The following MEI4 variants were observed in gnomAD, a reference collection of about 807,000 sequenced individuals.
The protein encoded by MEI4 is meiosis-specific protein MEI4.
In MEI4, 27 loss-of-function variants were observed where a neutral mutation model predicts 31.4. The ratio of observed to expected loss-of-function variants is 0.86; its 90% CI spans 0.63 to 1.19. MEI4 has a LOEUF of 1.19. Ranked by LOEUF, MEI4 falls within the 50% of genes most tolerant of loss-of-function variation. MEI4 has a pLI of 0.00. For missense variants in MEI4, 329 were observed against 398.9 expected (o/e 0.82, Z 1.49); for synonymous variants, 122 against 145.4 (o/e 0.84, Z 1.16).
chr6:77,688,752 T>A (rs1331899703), intron 1 of MEI4, among the ~76,000 whole-genome samples: 1 of 152,072 alleles, frequency 6.6e-6, no homozygotes, highest in Non-Finnish European at 1.5e-5. Flanking sequence ...AGGCACCTTT[T>A]AAAAAATCAG....
intron 1 of MEI4, among the ~76,000 whole-genome samples, chr6:77,680,413 TTC>T (rs1768935799): frequency 6.6e-6 from 1 of 152,164 alleles, no homozygotes; most frequent in African/African-American, 2.4e-5. Flanking sequence ...GAAGAGCAAC[TTC>T]TGTGGTATGA....
intron 3 of MEI4, among the ~76,000 whole-genome samples, chr6:77,798,866 C>T (rs1582157169): frequency 6.6e-6 from 1 of 151,754 alleles, no homozygotes; most frequent in East Asian, 1.9e-4. Context: ...TGTATATGTG[C>T]CAAATTTTCT....
intron 4 of MEI4, among the ~76,000 whole-genome samples, chr6:77,853,739 T>A (rs1372695631): frequency 6.6e-6 from 1 of 152,116 alleles, no homozygotes; most frequent in Non-Finnish European, 1.5e-5. Flanking sequence ...TAGTTCTATA[T>A]CAGGACATAA....
intron 2 of MEI4, among the ~76,000 whole-genome samples, chr6:77,758,240 A>C (rs547117893): frequency 6.6e-6 from 1 of 151,728 alleles, no homozygotes; most frequent in Non-Finnish European, 1.5e-5. Flanking sequence ...GGTTACCACT[A>C]CTTTTTGAAC....
At chr6:77,739,198 G>T (rs1202833447) in intron 2 of MEI4, among the ~76,000 whole-genome samples, 6 of 151,476 alleles carry the variant, frequency 4.0e-5, no homozygotes, top group Non-Finnish European at 8.8e-5. Flanking sequence ...TTCTTCTAGG[G>T]TTTTTTTTGG....
chr6:77,773,807 A>G (rs1191037381), intron 3 of MEI4, among the ~76,000 whole-genome samples: 1 of 152,100 alleles, frequency 6.6e-6, no homozygotes, highest in Non-Finnish European at 1.5e-5. Context: ...AGCAGCTCAA[A>G]TAACTCTGTA....
chr6:77,907,993 G>GTTT (rs36134334), intron 4 of MEI4, among the ~76,000 whole-genome samples: 12 of 144,294 alleles, frequency 8.3e-5, no homozygotes, highest in Non-Finnish European at 1.5e-4. Context: ...TGTTGATGGG[G>GTTT]TTTTTTTTTT....
chr6:77,797,994 G>A (rs1449985810), intron 3 of MEI4, among the ~76,000 whole-genome samples: 1 of 152,092 alleles, frequency 6.6e-6, no homozygotes, highest in Non-Finnish European at 1.5e-5. Flanking sequence ...ATGTTCGAAT[G>A]ACTACATTGT....
At chr6:77,689,839 T>C (rs540525802) in intron 1 of MEI4, among the ~76,000 whole-genome samples, 2 of 152,200 alleles carry the variant, frequency 1.3e-5, no homozygotes, top group African/African-American at 4.8e-5. Context: ...TCATCAAGCA[T>C]TTTTATTTAG....
At chr6:77,871,066 T>G (rs1358433892) in intron 4 of MEI4, among the ~76,000 whole-genome samples, 1 of 152,224 alleles carries the variant, frequency 6.6e-6, no homozygotes, top group East Asian at 1.9e-4. Flanking sequence ...ATTGGATTCC[T>G]TAACATTCAG....
intron 2 of MEI4, among the ~76,000 whole-genome samples, chr6:77,707,287 G>A (rs1766354713): frequency 6.6e-6 from 1 of 152,184 alleles, no homozygotes. Flanking sequence ...CTACGGATCT[G>A]TGGAAGTTTG....
chr6:77,668,426 C>A (rs1292753285), intron 1 of MEI4, among the ~76,000 whole-genome samples: 1 of 152,138 alleles, frequency 6.6e-6, no homozygotes, highest in African/African-American at 2.4e-5. Context: ...GGATTCCTGA[C>A]CCTATCCTTG....
At chr6:77,699,599 C>T (rs1039940913) in intron 2 of MEI4, among the ~76,000 whole-genome samples, 4 of 152,180 alleles carry the variant, frequency 2.6e-5, no homozygotes, top group Non-Finnish European at 4.4e-5. Flanking sequence ...ATTCTCTGTC[C>T]AGCTTTGTTC....
chr6:77,785,976 A>G (rs1430884531), intron 3 of MEI4, among the ~76,000 whole-genome samples: 1 of 152,172 alleles, frequency 6.6e-6, no homozygotes, highest in Non-Finnish European at 1.5e-5. Context: ...AATGAATGCC[A>G]CAGAAACATC....
intron 4 of MEI4, among the ~76,000 whole-genome samples, chr6:77,874,438 T>G (rs956511943): frequency 6.6e-6 from 1 of 152,180 alleles, no homozygotes; most frequent in African/African-American, 2.4e-5. Flanking sequence ...ATGCTTGTGA[T>G]TTTTGCACAT....
chr6:77,804,748 T>C (rs1355077805), intron 3 of MEI4, among the ~76,000 whole-genome samples: 3 of 152,214 alleles, frequency 2.0e-5, no homozygotes, highest in Admixed American at 6.5e-5. Context: ...AGTTCAGATA[T>C]CATTACCATT....
chr6:77,687,703 A>G (rs1769083872), intron 1 of MEI4, among the ~76,000 whole-genome samples: 1 of 152,068 alleles, frequency 6.6e-6, no homozygotes, highest in African/African-American at 2.4e-5. Flanking sequence ...TTACCAGTTT[A>G]CTATAAAAAA....
intron 2 of MEI4, among the ~76,000 whole-genome samples, chr6:77,696,451 T>G (rs997926338): frequency 6.6e-6 from 1 of 152,150 alleles, no homozygotes; most frequent in African/African-American, 2.4e-5. Context: ...CAATACCTAA[T>G]TTATTGAGAG....
chr6:77,744,594 A>G (rs1211023326), intron 2 of MEI4, among the ~76,000 whole-genome samples: 9 of 152,312 alleles, frequency 5.9e-5, no homozygotes, highest in Non-Finnish European at 1.2e-4. Flanking sequence ...GCAGGCCAAC[A>G]TTCAGATTCA....
Sources: gnomAD v4.1 joint callset for allele counts (sites outside exome capture counted in the v4.1 genomes callset) on GRCh38, gnomAD v4.1.1 for gene constraint, MANE v1.5 for transcripts, NCBI Gene and HGNC (gene_info 2026-07-23, HGNC 2026-07-21) for gene names.